The following LINGO2 variants were observed in gnomAD, a reference collection of about 807,000 sequenced individuals.
LINGO2 encodes leucine rich repeat and Ig domain containing 2.
In LINGO2, 14 loss-of-function variants were observed where a neutral mutation model predicts 30.6. That is an observed-to-expected ratio of 0.46 (90% confidence interval 0.30 to 0.72). The LOEUF (loss-of-function observed/expected upper bound fraction) is 0.72, where lower values mean the gene tolerates loss of function less well. Among genes scored for constraint, LINGO2 ranks in the 30% least tolerant of loss-of-function variants. The pLI, the probability that LINGO2 is intolerant of heterozygous loss-of-function variation, is 0.07. For missense variants in LINGO2, 729 were observed against 751.7 expected, an observed-to-expected ratio of 0.97 and a Z score of 0.35; for synonymous variants, 317 against 288.5, an observed-to-expected ratio of 1.10 and a Z score of -1.00.
At chr9:28,379,230 G>T (rs936966702) in intron 2 of LINGO2, among the ~76,000 whole-genome samples, 1 of 152,034 alleles carries the variant, frequency 6.6e-6, no homozygotes. Flanking sequence ...TTTTTCAGAT[G>T]AGAAGGCATT....
intron 1 of LINGO2, among the ~76,000 whole-genome samples, chr9:28,518,464 C>A (rs1203140395): frequency 6.6e-6 from 1 of 152,112 alleles, no homozygotes; most frequent in Non-Finnish European, 1.5e-5. Flanking sequence ...TTACTTGGAA[C>A]TAAAGTCATA....
the LINGO2 span, among the ~76,000 whole-genome samples, chr9:29,152,460 C>T: frequency 6.6e-6 from 1 of 152,114 alleles, no homozygotes; most frequent in Non-Finnish European, 1.5e-5. Flanking sequence ...ACATATACAC[C>T]ATGGAATATG....
At chr9:28,949,285 C>G in the LINGO2 span, among the ~76,000 whole-genome samples, 2 of 151,806 alleles carry the variant, frequency 1.3e-5, no homozygotes, top group East Asian at 1.9e-4. Context: ...GATAGAGACA[C>G]GAAAAACCCC....
chr9:28,491,903 T>C (rs1826409426), intron 1 of LINGO2, among the ~76,000 whole-genome samples: 1 of 152,182 alleles, frequency 6.6e-6, no homozygotes, highest in Non-Finnish European at 1.5e-5. Context: ...TGTTTTGAGG[T>C]TCCTGACTGC....
At chr9:27,974,025 G>T (rs571369695) in intron 5 of LINGO2, among the ~76,000 whole-genome samples, 5 of 152,270 alleles carry the variant, frequency 3.3e-5, no homozygotes, top group Admixed American at 3.3e-4. Flanking sequence ...AAATGGTGGT[G>T]TTATATGGAG....
the LINGO2 span, among the ~76,000 whole-genome samples, chr9:29,013,484 A>G: frequency 6.6e-6 from 1 of 152,150 alleles, no homozygotes; most frequent in Admixed American, 6.6e-5. Flanking sequence ...AATAATGTAA[A>G]GAACCCTAAA....
intron 1 of LINGO2, among the ~76,000 whole-genome samples, chr9:28,506,629 T>TAC (rs969360286): frequency 1.7e-4 from 25 of 148,544 alleles, no homozygotes; most frequent in African/African-American, 5.7e-4. Context: ...TCATAACATA[T>TAC]ATATATTTGC....
At chr9:28,976,900 G>A in the LINGO2 span, among the ~76,000 whole-genome samples, 6,533 of 152,142 alleles carry the variant, frequency 0.043, 413 homozygotes, top group African/African-American at 0.13. Flanking sequence ...GTAGACTCAT[G>A]GCAGATGGCT....
chr9:28,984,226 G>T, the LINGO2 span, among the ~76,000 whole-genome samples: 2 of 152,058 alleles, frequency 1.3e-5, no homozygotes, highest in African/African-American at 2.4e-5. Flanking sequence ...AAGAATATGT[G>T]CTCATTTCGT....
chr9:28,592,304 C>T (rs929130935), intron 1 of LINGO2, among the ~76,000 whole-genome samples: 12 of 151,990 alleles, frequency 7.9e-5, no homozygotes, highest in African/African-American at 2.7e-4. Flanking sequence ...AAAAAGCCTG[C>T]GGATGTAACT....
the LINGO2 span, among the ~76,000 whole-genome samples, chr9:28,978,146 T>G: frequency 9.5e-4 from 144 of 152,312 alleles, no homozygotes; most frequent in African/African-American, 3.4e-3. Context: ...AATATTCTCT[T>G]TGGGGAATTG....
chr9:28,863,744 AACAGT>A, the LINGO2 span: 7 of 448,340 alleles, frequency 1.6e-5, no homozygotes, highest in Non-Finnish European at 3.0e-5. Flanking sequence ...AACCAACAAA[AACAGT>A]ACCCTTTGGC....
intron 4 of LINGO2, among the ~76,000 whole-genome samples, chr9:28,153,309 T>C (rs1367795787): frequency 6.6e-6 from 1 of 152,204 alleles, no homozygotes; most frequent in Non-Finnish European, 1.5e-5. Flanking sequence ...GGAAATTGCC[T>C]GAATCCCCAC....
intron 2 of LINGO2, among the ~76,000 whole-genome samples, chr9:28,382,969 A>G (rs534321232): frequency 1.3e-5 from 2 of 152,222 alleles, no homozygotes; most frequent in East Asian, 1.9e-4. Context: ...TAACAAATAT[A>G]TAACAGTTAA....
chr9:29,175,233 T>C, the LINGO2 span, among the ~76,000 whole-genome samples: 23 of 152,304 alleles, frequency 1.5e-4, 1 homozygote, highest in African/African-American at 4.8e-4. Flanking sequence ...CACTCCAGCC[T>C]GGGCTACAGA....
intron 1 of LINGO2, among the ~76,000 whole-genome samples, chr9:28,638,139 G>A (rs1300193515): frequency 6.6e-6 from 1 of 152,156 alleles, no homozygotes; most frequent in Non-Finnish European, 1.5e-5. Context: ...ATTTGCATAT[G>A]TTGAACCAGC....
chr9:28,845,145 A>G, the LINGO2 span, among the ~76,000 whole-genome samples: 1 of 151,884 alleles, frequency 6.6e-6, no homozygotes, highest in Non-Finnish European at 1.5e-5. Context: ...ATAGAGTGTA[A>G]TCATTTACGG....
the LINGO2 span, among the ~76,000 whole-genome samples, chr9:29,204,417 A>G: frequency 1.6e-4 from 24 of 151,524 alleles, no homozygotes; most frequent in Non-Finnish European, 2.7e-4. Flanking sequence ...ATTAGCCTGT[A>G]AGTCTCTCAA....
At chr9:28,336,789 G>C (rs926806976) in intron 3 of LINGO2, among the ~76,000 whole-genome samples, 2 of 150,050 alleles carry the variant, frequency 1.3e-5, no homozygotes, top group Non-Finnish European at 3.0e-5. Context: ...TGCAAATTGT[G>C]GCAAAAAAAA....
Sources: allele counts gnomAD v4.1 joint callset (sites outside exome capture counted in the v4.1 genomes callset), GRCh38; gene constraint gnomAD v4.1.1; transcripts MANE v1.5; gene names NCBI Gene and HGNC (gene_info 2026-07-23, HGNC 2026-07-21).